The following PARD3 variants were observed in gnomAD, a reference collection of about 807,000 sequenced individuals.
PARD3 encodes the protein partitioning defective 3 homolog.
Under a neutral mutation model 155.4 loss-of-function variants are expected in PARD3, and 75 were observed. The observed-to-expected ratio is 0.48, with a 90% CI of 0.40 to 0.58. PARD3 has a LOEUF of 0.58. Ranked by LOEUF, PARD3 falls within the 20% of genes least tolerant of loss-of-function variation. The pLI is 0.00. For missense variants in PARD3, 1,642 were observed against 1,721.7 expected (o/e 0.95, Z 0.82); for synonymous variants, 576 against 610.5 (o/e 0.94, Z 0.83).
chr10:34,685,794 A>G (rs962025025), intron 2 of PARD3, among the ~76,000 whole-genome samples: 2 of 152,084 alleles, frequency 1.3e-5, no homozygotes, highest in African/African-American at 2.4e-5. Flanking sequence ...GGGTTTCACC[A>G]TGTTGGCCAG....
chr10:34,691,661 T>A (rs2094063989), intron 2 of PARD3, among the ~76,000 whole-genome samples: 2 of 152,190 alleles, frequency 1.3e-5, no homozygotes. Context: ...AGAACAAAGC[T>A]GGAGGCATCA....
rs1285857327 is a variant in PARD3 at position 34,145,208 on chromosome 10, TATATATATATATA to T, written c.3420-13638_3420-13626del. On this transcript the variant is annotated intron_variant, in intron 22 of 24. Transcript: ENST00000374788. ...GTGTGTGTATATATATATATATATATATATATATATATATTTTTTTTTTTTTTTTTTTTACAGG... is the reference window on the plus strand; with the variant it reads ...GTGTGTGTATATATATATATATATATTTTTTTTTTTTTTTTTTTTTACAGG... 2.6e-4 allele frequency among the ~76,000 whole-genome samples: 18 copies of T among 68,126 alleles called. 1 individual carries two copies. The South Asian group carries it at 7.6e-3, about 29-fold the overall frequency. 44.7% of individuals were successfully genotyped at this position (68,126 alleles called of 152,430 possible).
chr10:34,559,041 T>TC (rs1564842580), intron 2 of PARD3, among the ~76,000 whole-genome samples: 22 of 149,190 alleles, frequency 1.5e-4, no homozygotes, highest in African/African-American at 5.7e-4. Flanking sequence ...AAACTCATTT[T>TC]TCCCCCCCAC....
intron 2 of PARD3, among the ~76,000 whole-genome samples, chr10:34,602,672 G>A (rs1006053033): frequency 6.6e-6 from 1 of 152,200 alleles, no homozygotes; most frequent in Non-Finnish European, 1.5e-5. Flanking sequence ...AGCAATGAGA[G>A]AATGTATAAT....
chr10:34,511,140 C>T (rs766613002), intron 3 of PARD3, among the ~76,000 whole-genome samples: 12 of 152,168 alleles, frequency 7.9e-5, no homozygotes, highest in Non-Finnish European at 1.2e-4. Context: ...AGTTTCCCAC[C>T]ATCTTGACTA....
chr10:34,639,060 T>C (rs1047876171), intron 2 of PARD3, among the ~76,000 whole-genome samples: 1 of 152,194 alleles, frequency 6.6e-6, no homozygotes, highest in Non-Finnish European at 1.5e-5. Flanking sequence ...CATTCTAATC[T>C]ATGAAAGAAG....
chr10:34,611,176 T>C (rs567262840), intron 2 of PARD3, among the ~76,000 whole-genome samples: 24 of 152,210 alleles, frequency 1.6e-4, no homozygotes, highest in Non-Finnish European at 2.8e-4. Flanking sequence ...CTTACATGTA[T>C]TAATGCTTCA....
At chr10:34,399,105 G>C (rs1245225299) in intron 7 of PARD3, among the ~76,000 whole-genome samples, 1 of 152,114 alleles carries the variant, frequency 6.6e-6, no homozygotes, top group Non-Finnish European at 1.5e-5. Flanking sequence ...AATTTATTAG[G>C]ATAATTCAAA....
At chr10:34,346,322 A>T (rs1329057403) in intron 15 of PARD3, 1 of 1,265,944 alleles carries the variant, frequency 7.9e-7, no homozygotes, top group African/African-American at 1.6e-5. Flanking sequence ...GAATTTAGGG[A>T]TTTTTTTGGT....
chr10:34,480,097 G>A (rs998600848), intron 3 of PARD3, among the ~76,000 whole-genome samples: 1 of 152,246 alleles, frequency 6.6e-6, no homozygotes, highest in African/African-American at 2.4e-5. Context: ...ACGGCATAGA[G>A]CCTGGACAGT....
At chr10:34,680,840 G>A (rs535068797) in intron 2 of PARD3, among the ~76,000 whole-genome samples, 1 of 119,184 alleles carries the variant, frequency 8.4e-6, no homozygotes, top group Admixed American at 9.2e-5. Context: ...GTGGTGGGGT[G>A]GGGGGAGGGG....
At chr10:34,203,971 T>C (rs1588744235) in intron 22 of PARD3, among the ~76,000 whole-genome samples, 1 of 152,258 alleles carries the variant, frequency 6.6e-6, no homozygotes, top group African/African-American at 2.4e-5. Flanking sequence ...TCTCATGTTA[T>C]GATTAAAACT....
chr10:34,277,001 G>A (rs1037123684), intron 21 of PARD3, among the ~76,000 whole-genome samples: 1 of 152,122 alleles, frequency 6.6e-6, no homozygotes, highest in African/African-American at 2.4e-5. Context: ...TCAGATAGTT[G>A]TTGACTATCT....
intron 22 of PARD3, among the ~76,000 whole-genome samples, chr10:34,145,261 G>T (rs1401276603): frequency 6.6e-5 from 6 of 90,934 alleles, no homozygotes; most frequent in Non-Finnish European, 1.1e-4. Context: ...TCTCTTTCTG[G>T]TATTCCAAAA....
chr10:34,520,796 A>G (rs527904050), intron 2 of PARD3, among the ~76,000 whole-genome samples: 1 of 152,322 alleles, frequency 6.6e-6, no homozygotes, highest in African/African-American at 2.4e-5. Context: ...CTTTCTAGTA[A>G]CATGCAATTT....
At chr10:34,715,132 C>T (rs1385711443) in intron 1 of PARD3, among the ~76,000 whole-genome samples, 2 of 150,776 alleles carry the variant, frequency 1.3e-5, no homozygotes, top group African/African-American at 2.4e-5. Context: ...GGCTGGAGCA[C>T]AGTGGTGCTA....
intron 2 of PARD3, among the ~76,000 whole-genome samples, chr10:34,694,495 A>G (rs1188701902): frequency 7.3e-5 from 8 of 109,492 alleles, no homozygotes; most frequent in Non-Finnish European, 1.4e-4. Flanking sequence ...TTTTTTTTTT[A>G]AGACTAGCTC....
At chr10:34,289,805 T>C (rs610493) in intron 20 of PARD3, among the ~76,000 whole-genome samples, 22,467 of 152,158 alleles carry the variant, frequency 0.15, 2,047 homozygotes, top group African/African-American at 0.26. Flanking sequence ...TTTACAATAA[T>C]GCGTTACAAA....
chr10:34,480,307 C>T (rs1287153422), intron 3 of PARD3, among the ~76,000 whole-genome samples: 1 of 152,184 alleles, frequency 6.6e-6, no homozygotes, highest in Non-Finnish European at 1.5e-5. Context: ...AAGATCACAG[C>T]TCACTGCAGC....
Sources: allele counts gnomAD v4.1 joint callset (sites outside exome capture counted in the v4.1 genomes callset), GRCh38; gene constraint gnomAD v4.1.1; transcripts MANE v1.5; gene names NCBI Gene and HGNC (gene_info 2026-07-23, HGNC 2026-07-21).